Variants in MARCHF1 observed in about 807,000 individuals in gnomAD.
The protein encoded by MARCHF1 is E3 ubiquitin-protein ligase MARCHF1.
MARCHF1 carries 40 observed loss-of-function variants against 54.2 expected under a neutral mutation model. That is an observed-to-expected ratio of 0.74 (90% CI 0.57 to 0.96). The LOEUF is 0.96. Ranked by LOEUF, MARCHF1 falls within the 40% of genes least tolerant of loss-of-function variation. The pLI is 0.00. For missense variants in MARCHF1, 586 were observed against 656.5 expected, an observed-to-expected ratio of 0.89 and a Z score of 1.17; for synonymous variants, 236 against 236.3, an observed-to-expected ratio of 1.00 and a Z score of 0.01.
chr4:163,675,524 G>A (rs1579184080), intron 5 of MARCHF1, among the ~76,000 whole-genome samples: 1 of 152,186 alleles, frequency 6.6e-6, no homozygotes, highest in Non-Finnish European at 1.5e-5. Flanking sequence ...AAGTTCATTA[G>A]TAGCAACTGA....
At chr4:164,377,844 C>T (rs750747405) in intron 1 of MARCHF1, among the ~76,000 whole-genome samples, 2 of 152,166 alleles carry the variant, frequency 1.3e-5, no homozygotes, top group Non-Finnish European at 2.9e-5. Context: ...AACCTGCCTT[C>T]GTTTTATACC....
chr4:164,302,505 T>C (rs1374255017), intron 1 of MARCHF1, among the ~76,000 whole-genome samples: 4 of 152,008 alleles, frequency 2.6e-5, no homozygotes, highest in Non-Finnish European at 5.9e-5. Context: ...TTGAGAAAGG[T>C]TGAGAATTTC....
intron 4 of MARCHF1, among the ~76,000 whole-genome samples, chr4:163,818,268 T>A (rs929920516): frequency 2.0e-5 from 3 of 152,046 alleles, no homozygotes; most frequent in African/African-American, 7.2e-5. Flanking sequence ...TTTATTATTA[T>A]TTTTTTAAGT....
chr4:164,364,908 A>G (rs1296031414), intron 1 of MARCHF1, among the ~76,000 whole-genome samples: 1 of 152,016 alleles, frequency 6.6e-6, no homozygotes, highest in African/African-American at 2.4e-5. Flanking sequence ...CTCAGGGTAG[A>G]GTAACACACA....
At chr4:164,130,628 A>T (rs956546075) in intron 1 of MARCHF1, among the ~76,000 whole-genome samples, 3 of 152,132 alleles carry the variant, frequency 2.0e-5, no homozygotes, top group Admixed American at 6.6e-5. Context: ...AGACTCTCAT[A>T]TTATCTTCAC....
chr4:164,052,260 CGCCTGT>C, intron 2 of MARCHF1, among the ~76,000 whole-genome samples: 1 of 56,820 alleles, frequency 1.8e-5, no homozygotes, highest in Non-Finnish European at 5.3e-5. Context: ...TAGTGGCTCA[CGCCTGT>C]AATCCTGTAA....
intron 4 of MARCHF1, among the ~76,000 whole-genome samples, chr4:163,730,268 C>T (rs542597094): frequency 6.6e-6 from 1 of 152,120 alleles, no homozygotes; most frequent in Admixed American, 6.6e-5. Flanking sequence ...CTCTATATTG[C>T]TATTTCTATT....
intron 2 of MARCHF1, among the ~76,000 whole-genome samples, chr4:163,996,376 T>C (rs1753076361): frequency 6.6e-6 from 1 of 152,056 alleles, no homozygotes; most frequent in Admixed American, 6.6e-5. Context: ...AAAATTATAA[T>C]TTGTATTTTC....
intron 1 of MARCHF1, among the ~76,000 whole-genome samples, chr4:164,307,236 G>A (rs933564973): frequency 1.3e-5 from 2 of 152,140 alleles, no homozygotes; most frequent in Admixed American, 6.5e-5. Context: ...AAACAGACTT[G>A]TGCTAAGGAA....
intron 2 of MARCHF1, among the ~76,000 whole-genome samples, chr4:164,001,251 A>G (rs1753181333): frequency 6.6e-6 from 1 of 151,808 alleles, no homozygotes. Flanking sequence ...TGTGGCCTAT[A>G]TATCAATAAT....
chr4:164,201,990 T>TC (rs1416101505), intron 1 of MARCHF1, among the ~76,000 whole-genome samples: 1 of 152,248 alleles, frequency 6.6e-6, no homozygotes, highest in African/African-American at 2.4e-5. Flanking sequence ...TATTGAGCAT[T>TC]CACAGCCAGA....
chr4:163,733,201 A>ATATATATATATATATATATACACGTG (rs1364508031), intron 4 of MARCHF1, among the ~76,000 whole-genome samples: 1 of 34,262 alleles, frequency 2.9e-5, no homozygotes, highest in African/African-American at 8.9e-5. Flanking sequence ...ATATATATAT[A>ATATATATATATATATATATACACGTG]TATATATATA....
chr4:163,833,033 T>C (rs899348797), intron 4 of MARCHF1, among the ~76,000 whole-genome samples: 1 of 152,084 alleles, frequency 6.6e-6, no homozygotes, highest in African/African-American at 2.4e-5. Context: ...CTATTGTGAA[T>C]AGTGCTGCAA....
At chr4:163,539,005 A>G (rs1017230783) in intron 9 of MARCHF1, among the ~76,000 whole-genome samples, 1 of 53,186 alleles carries the variant, frequency 1.9e-5, no homozygotes, top group African/African-American at 4.6e-5. Flanking sequence ...TGATGCTTTT[A>G]TTTATTTATT....
intron 3 of MARCHF1, among the ~76,000 whole-genome samples, chr4:163,855,438 C>A (rs1370953216): frequency 1.3e-5 from 2 of 152,160 alleles, no homozygotes; most frequent in African/African-American, 2.4e-5. Context: ...ACAAAATCTG[C>A]ATATTTAATT....
chr4:164,301,105 T>A (rs1456150351), intron 1 of MARCHF1, among the ~76,000 whole-genome samples: 1 of 152,142 alleles, frequency 6.6e-6, no homozygotes, highest in East Asian at 1.9e-4. Flanking sequence ...AGTGCCCTTA[T>A]GCATAATTAA....
chr4:163,550,732 A>T (rs1279899301), intron 8 of MARCHF1, among the ~76,000 whole-genome samples: 2 of 152,150 alleles, frequency 1.3e-5, no homozygotes, highest in Non-Finnish European at 2.9e-5. Context: ...GTTGTGCTGG[A>T]GGATAATAAG....
chr4:164,300,205 G>A (rs888356065), intron 1 of MARCHF1, among the ~76,000 whole-genome samples: 10 of 151,886 alleles, frequency 6.6e-5, no homozygotes, highest in African/African-American at 2.2e-4. Context: ...CATTATTGCC[G>A]AGACTAATGA....
intron 3 of MARCHF1, among the ~76,000 whole-genome samples, chr4:163,892,634 A>T (rs1333188021): frequency 6.6e-6 from 1 of 150,724 alleles, no homozygotes; most frequent in African/African-American, 2.4e-5. Context: ...AAAAAAATTA[A>T]AAAAAAATAA....
Sources: allele counts gnomAD v4.1 joint callset (sites outside exome capture counted in the v4.1 genomes callset), GRCh38; gene constraint gnomAD v4.1.1; transcripts MANE v1.5; gene names NCBI Gene and HGNC (gene_info 2026-07-23, HGNC 2026-07-21).